TBK1: variants seen among roughly 807,000 people sequenced by gnomAD.
TBK1 encodes the protein serine/threonine-protein kinase TBK1.
A neutral mutation model predicts 99.9 loss-of-function variants in TBK1; 37 were observed. The ratio of observed to expected loss-of-function variants is 0.37; its 90% CI spans 0.28 to 0.49. The LOEUF (loss-of-function observed/expected upper bound fraction) is 0.49. Ranked by LOEUF, TBK1 falls within the 20% of genes least tolerant of loss-of-function variation. TBK1 has a pLI of 0.98. For synonymous variants in TBK1, 258 were observed against 279.8 expected, an observed-to-expected ratio of 0.92 and a Z score of 0.78; for missense variants, 644 against 872.5, an observed-to-expected ratio of 0.74 and a Z score of 3.30.
At chr12:64,495,842 A>G (rs1480933195) in intron 15 of TBK1, 67 bp downstream of exon 15, 2 of 1,297,160 alleles carry the variant, frequency 1.5e-6, no homozygotes, top group African/African-American at 3.0e-5. Context: ...ATTCAGTTAA[A>G]TTAATTTGGT....
In TBK1 at chr12:64,490,138, A is replaced by G; in HGVS notation, c.1521+19A>G. 1.3e-6 allele frequency: 2 copies of G among 1,568,848 alleles called. No individual in the cohort carries two copies. Among genetic ancestry groups the G allele is most frequent in the African/African-American group, 1.4e-5 (1 of 73,890 alleles). On this transcript the variant is annotated intron_variant, in intron 13 of 20. Transcript: ENST00000331710. ...GTTGAGAGTAAGTGTTTACAAAATT[A>G]CGAAATTTGTAAGCTCATAACCTAT...
chr12:64,469,870 T>C (rs1228338331), intron 5 of TBK1, among the ~76,000 whole-genome samples: 2 of 152,082 alleles, frequency 1.3e-5, no homozygotes, highest in African/African-American at 2.4e-5. Context: ...CAGCTCCTTG[T>C]CTCTGGAGCC....
At chr12:64,465,636 G>A (rs1565814058) in intron 4 of TBK1, among the ~76,000 whole-genome samples, 1 of 152,174 alleles carries the variant, frequency 6.6e-6, no homozygotes, top group Non-Finnish European at 1.5e-5. Context: ...CTACAACATG[G>A]ATGAACTTGA....
intron 13 of TBK1, among the ~76,000 whole-genome samples, chr12:64,492,881 C>T (rs1159607276): frequency 6.6e-6 from 1 of 150,590 alleles, no homozygotes; most frequent in African/African-American, 2.5e-5. Flanking sequence ...GCCACCACGT[C>T]CAGCTAATTT....
intron 2 of TBK1, among the ~76,000 whole-genome samples, chr12:64,457,889 T>A (rs180864385): frequency 9.8e-5 from 15 of 152,316 alleles, no homozygotes; most frequent in Admixed American, 9.8e-4. Flanking sequence ...GAAACAAATA[T>A]GTACTTTACC....
Position 64,482,238 on chromosome 12 carries a change from T to C in TBK1, c.992+217T>C, listed in dbSNP as rs12826520. Among the ~76,000 whole-genome samples, 4,600 of 152,292 alleles carry C rather than the reference T, an allele frequency of 0.03. 100 individuals carry two copies. The highest frequency in any genetic ancestry group is 0.046 in the Non-Finnish European group (3,097 of 68,010). On this transcript the variant is annotated intron_variant, in intron 8 of 20. Coordinates refer to ENST00000331710, the MANE Select transcript of TBK1 (RefSeq NM_013254.4). ...TTTATAGTTAAATTAGCTTGTTTCTTAAACTGTAAGTTTTACAAAAGTACT... is the reference window on the plus strand; with the variant it reads ...TTTATAGTTAAATTAGCTTGTTTCTCAAACTGTAAGTTTTACAAAAGTACT...
Position 64,501,542 on chromosome 12 carries a change from A to G in TBK1, c.*161A>G, listed in dbSNP as rs1380316538. 4 of 670,732 alleles carry G rather than the reference A, an allele frequency of 6.0e-6. No individual in the cohort carries two copies. Among genetic ancestry groups the G allele is most frequent in the Non-Finnish European group, 9.4e-6 (4 of 424,416 alleles). The allele number at this position is 670,732 out of a possible 1,614,324, so 41.5% of individuals were successfully genotyped here. ...TTGTAAATACATAAAAAATATACAAATTTTTGGCTGCTGTGAAGATGTAAT... is the reference window on the plus strand; with the variant it reads ...TTGTAAATACATAAAAAATATACAAGTTTTTGGCTGCTGTGAAGATGTAAT... On this transcript the variant is annotated 3_prime_UTR_variant, in exon 21 of 21. Transcript: ENST00000331710.
intron 13 of TBK1, 74 bp from the exon 14 acceptor site, chr12:64,495,407 CTT>C (rs1409502069): frequency 1.3e-6 from 2 of 1,537,948 alleles, no homozygotes; most frequent in Non-Finnish European, 8.8e-7. Flanking sequence ...GTGGTCCAGA[CTT>C]TAGACTTTGT....
intron 11 of TBK1, among the ~76,000 whole-genome samples, chr12:64,486,747 C>G (rs961460998): frequency 6.6e-6 from 1 of 152,092 alleles, no homozygotes. Flanking sequence ...AATTCATATA[C>G]TATATAACTC....
At chr12:64,479,890 A>G in intron 6 of TBK1, 122 bp from the exon 7 acceptor site, 2 of 600,666 alleles carry the variant, frequency 3.3e-6, no homozygotes, top group Non-Finnish European at 5.9e-6. Context: ...TGTGAGCATC[A>G]ATCACAAAGT....
chr12:64,453,172 G>A (rs1449500222), intron 1 of TBK1, among the ~76,000 whole-genome samples: 1 of 152,148 alleles, frequency 6.6e-6, no homozygotes, highest in Non-Finnish European at 1.5e-5. Flanking sequence ...ATGTTATTGT[G>A]GAGTTATTGG....
chr12:64,461,324 G>A (rs1233543830), intron 3 of TBK1, among the ~76,000 whole-genome samples: 2 of 151,936 alleles, frequency 1.3e-5, no homozygotes, highest in African/African-American at 2.4e-5. Context: ...GGAAATAGTG[G>A]AATTAAGAAT....
intron 3 of TBK1, among the ~76,000 whole-genome samples, 198 bp downstream of exon 3, chr12:64,460,527 A>G (rs369697890): frequency 3.9e-5 from 6 of 152,280 alleles, no homozygotes; most frequent in African/African-American, 1.4e-4. Flanking sequence ...ACAGTAGTGT[A>G]AGAAATAAAA....
At position 64,477,736 on chromosome 12, in the gene TBK1, A is replaced by G. The variant is rs989130856; in HGVS notation, c.702-2276A>G. 2.0e-5 allele frequency among the ~76,000 whole-genome samples: 3 copies of G among 152,152 alleles called. No homozygotes were observed. The South Asian group carries it at 6.2e-4, about 32-fold the overall frequency. ...GCATCCTTGTCTTGTCTCAGTTCTT[A>G]AGGGGAATTGCCCATTCAGAATGAT... On this transcript the variant is annotated intron_variant, in intron 6 of 20. Coordinates refer to ENST00000331710, the MANE Select transcript of TBK1 (RefSeq NM_013254.4).
intron 13 of TBK1, among the ~76,000 whole-genome samples, chr12:64,493,957 T>C (rs770680446): frequency 1.8e-4 from 27 of 152,228 alleles, no homozygotes; most frequent in Non-Finnish European, 3.1e-4. Context: ...CTTAATGATA[T>C]GATGTTGCAG....
In TBK1 at chr12:64,460,184, T is replaced by C. The variant is rs1194702750; in HGVS notation, c.88-5T>C. The C allele has an allele frequency of 6.8e-7, 1 of 1,476,526 alleles. No individual in the cohort carries two copies. The highest frequency in any genetic ancestry group is 9.1e-7 in the Non-Finnish European group (1 of 1,098,988). 91.5% of individuals were successfully genotyped at this position (1,476,526 alleles called of 1,614,324 possible). ...AAATAAAACATTTCTCTCTCTTTTTTAAAGAAAACTGGTGATTTATTTGCT... is the reference window on the plus strand; with the variant it reads ...AAATAAAACATTTCTCTCTCTTTTTCAAAGAAAACTGGTGATTTATTTGCT... On this transcript the variant is annotated splice_region_variant and splice_polypyrimidine_tract_variant and intron_variant, in intron 2 of 20. Coordinates refer to ENST00000331710, the MANE Select transcript of TBK1 (RefSeq NM_013254.4).
intron 9 of TBK1, 143 bp downstream of exon 9, chr12:64,484,642 C>A: frequency 1.4e-6 from 1 of 731,764 alleles, no homozygotes; most frequent in Non-Finnish European, 2.1e-6. Flanking sequence ...GTCCCAGCTG[C>A]ATGGGAGGCT....
intron 10 of TBK1, 45 bp from the exon 11 acceptor site, chr12:64,485,881 A>G (rs772862860): frequency 2.7e-5 from 38 of 1,416,052 alleles, no homozygotes; most frequent in Non-Finnish European, 3.3e-5. Flanking sequence ...TTCTTACCCT[A>G]TACCACAATT....
chr12:64,473,668 G>A (rs1031044789), intron 5 of TBK1, among the ~76,000 whole-genome samples: 5 of 152,164 alleles, frequency 3.3e-5, no homozygotes, highest in Non-Finnish European at 7.4e-5. Flanking sequence ...GCTCATGCCT[G>A]TAATCCCAGT....
Sources: allele counts gnomAD v4.1 joint callset (sites outside exome capture counted in the v4.1 genomes callset), GRCh38; gene constraint gnomAD v4.1.1; transcripts MANE v1.5; gene names NCBI Gene and HGNC (gene_info 2026-07-23, HGNC 2026-07-21).